The following SPDYA variants were observed in gnomAD, a reference collection of about 807,000 sequenced individuals.
SPDYA encodes speedy/RINGO cell cycle regulator family member A, also known as speedy protein A.
SPDYA carries 11 observed loss-of-function variants against 36.7 expected under a neutral mutation model. The observed-to-expected ratio is 0.30, with a 90% CI of 0.19 to 0.50. The LOEUF (loss-of-function observed/expected upper bound fraction) is 0.50, where lower values mean the gene tolerates loss of function less well. Among genes scored for constraint, SPDYA ranks in the 20% least tolerant of loss-of-function variants. SPDYA has a pLI of 0.98. For synonymous variants in SPDYA, 115 were observed against 118.7 expected (o/e 0.97, Z 0.20); for missense variants, 287 against 370.9 (o/e 0.77, Z 1.86).
At chr2:28,843,820 A>G (rs1202238494) in intron 7 of SPDYA, among the ~76,000 whole-genome samples, 3 of 152,192 alleles carry the variant, frequency 2.0e-5, no homozygotes, top group Admixed American at 6.5e-5. Context: ...ATCTGAATAT[A>G]TAACATATTT....
At chr2:28,819,873 T>A (rs369711635) in intron 4 of SPDYA, among the ~76,000 whole-genome samples, 12 of 19,008 alleles carry the variant, frequency 6.3e-4, no homozygotes, top group Non-Finnish European at 9.6e-4. Flanking sequence ...TATATATATA[T>A]ATATATATAT....
At chr2:28,832,205 G>A (rs1390787638) in intron 6 of SPDYA, among the ~76,000 whole-genome samples, 1 of 152,036 alleles carries the variant, frequency 6.6e-6, no homozygotes, top group Non-Finnish European at 1.5e-5. Flanking sequence ...AAACTTGTCA[G>A]GCCACCAAAT....
In SPDYA at chr2:28,811,818, T is replaced by C. The variant is rs374704529; in HGVS notation, c.-93+871T>C. Among the ~76,000 whole-genome samples, 3 of 151,480 alleles carry C rather than the reference T, an allele frequency of 2.0e-5. No individual in the cohort carries two copies. The East Asian group carries it at 5.8e-4, about 29-fold the overall frequency. ...AACTTAAAAAAAAAGTATCCTGGCATGGTGGCGGGCGCCTGTAATCCCAGC... is the reference window on the plus strand; with the variant it reads ...AACTTAAAAAAAAAGTATCCTGGCACGGTGGCGGGCGCCTGTAATCCCAGC... On this transcript the variant is annotated intron_variant, in intron 1 of 7. Coordinates refer to ENST00000334056, the MANE Select transcript of SPDYA (RefSeq NM_182756.4). This position sits in a 1 kb window ranked among gnomAD's most constrained non-coding sequence, Gnocchi z 4.2.
At chr2:28,826,351 G>T (rs922269498) in intron 5 of SPDYA, among the ~76,000 whole-genome samples, 22 of 151,952 alleles carry the variant, frequency 1.4e-4, no homozygotes, top group African/African-American at 5.1e-4. Flanking sequence ...TGGCCAAGCT[G>T]GCCTCAAACT....
chr2:28,836,216 C>T (rs572791961), intron 6 of SPDYA, among the ~76,000 whole-genome samples: 1 of 152,332 alleles, frequency 6.6e-6, no homozygotes, highest in Non-Finnish European at 1.5e-5. Flanking sequence ...TACTCAAAAT[C>T]ATAGAAGTTG....
intron 7 of SPDYA, among the ~76,000 whole-genome samples, chr2:28,846,722 TACACACACACACACACACACACAC>T (rs58731880): frequency 6.6e-4 from 84 of 126,558 alleles, no homozygotes; most frequent in Non-Finnish European, 1.1e-3. Flanking sequence ...AGAAGAAAAC[TACACACACACACACACACACACAC>T]ACACACACAC....
Position 28,819,265 on chromosome 2 carries a change from T to C in SPDYA, c.294+159T>C, listed in dbSNP as rs570100787. ...GGCTCACACCTGTAATCCCAAAACTTTGGGAGGCTGAGGTGGGTGGATCAC... is the reference window on the plus strand; with the variant it reads ...GGCTCACACCTGTAATCCCAAAACTCTGGGAGGCTGAGGTGGGTGGATCAC... On this transcript the variant is annotated intron_variant, in intron 4 of 7. Coordinates refer to ENST00000334056, the MANE Select transcript of SPDYA (RefSeq NM_182756.4). 4.6e-5 allele frequency among the ~76,000 whole-genome samples: 7 copies of C among 152,204 alleles called. No individual in the cohort carries two copies. In the South Asian group the frequency reaches 1.2e-3, roughly 27 times the overall value.
Position 28,826,565 on chromosome 2 carries a change from C to T in SPDYA, c.381-2583C>T, listed in dbSNP as rs140767487. On this transcript the variant is annotated intron_variant, in intron 5 of 7. Transcript: ENST00000334056. ...TTAAACTTGTTATGCCTCGCTCGGT[C>T]TTCCCCATCACTTATCTTTGAAATT... Among the ~76,000 whole-genome samples, 266 of 149,226 alleles carry T rather than the reference C, an allele frequency of 1.8e-3. 1 individual carries two copies. The highest frequency in any genetic ancestry group is 2.4e-3 in the Non-Finnish European group (160 of 67,348).
Position 28,822,327 on chromosome 2 carries a change from T to C in SPDYA, c.297T>C (p.Tyr99=). Residue 99 remains tyrosine (Y), a splice_region_variant and synonymous_variant, in exon 5 of 8, where the codon TAT becomes TAC. Coordinates refer to ENST00000334056, the MANE Select transcript of SPDYA (RefSeq NM_182756.4). The part of the protein sequence containing the change: ...MDCCCKIADK[Y]LLAMTFVYFK... ...ATTTTTAACTTTTTTCCTTATAGTA[T>C]CTTTTGGCTATGACCTTTGTTTATT... 1 of 1,505,722 alleles carries C rather than the reference T, an allele frequency of 6.6e-7. No individual in the cohort carries two copies. Among genetic ancestry groups the C allele is most frequent in the Non-Finnish European group, 9.0e-7 (1 of 1,113,046 alleles). 93.3% of individuals were successfully genotyped at this position (1,505,722 alleles called of 1,614,324 possible).
chr2:28,840,291 A>G lies in SPDYA; in HGVS notation c.672A>G (p.Thr224=), dbSNP rs1378187126. The G allele has an allele frequency of 1.2e-6, 2 of 1,612,830 alleles. No individual in the cohort carries two copies. Among genetic ancestry groups the G allele is most frequent in the African/African-American group, 1.3e-5 (1 of 74,862 alleles). Residue 224 remains threonine (T), a synonymous_variant, in exon 7 of 8, where the codon ACA becomes ACG. Transcript: ENST00000334056. ...AGCTGCCCCGGGGACCTAGTGCCAC[A>G]CCAGTAGATTGTTCACTCTGTGGTA... The part of the protein sequence containing the change: ...EVQLPRGPSA[T]PVDCSLCGKK...
chr2:28,818,963 G>T lies in SPDYA; in HGVS notation c.236-85G>T, dbSNP rs1407297109. 13 of 1,069,334 alleles carry T rather than the reference G, an allele frequency of 1.2e-5. No homozygotes were observed. In the East Asian group the frequency reaches 3.2e-4, roughly 26 times the overall value. The allele number at this position is 1,069,334 out of a possible 1,614,324, so 66.2% of individuals were successfully genotyped here. A position where few individuals can be genotyped will look rare whatever the true frequency, so the allele number is the denominator to read the frequency against. ...TTTTTGTTTTATTTCTAAGCACCAT[G>T]TATAATCTCTTGACATAGAAATTAA... On this transcript the variant is annotated intron_variant, in intron 3 of 7. Coordinates refer to ENST00000334056, the MANE Select transcript of SPDYA (RefSeq NM_182756.4).
chr2:28,814,345 A>G (rs1386418592), intron 1 of SPDYA, among the ~76,000 whole-genome samples: 1 of 152,228 alleles, frequency 6.6e-6, no homozygotes, highest in East Asian at 1.9e-4. Context: ...GTAACAAAAA[A>G]AAGAAAAAAA....
rs10187155 is a variant in SPDYA at position 28,827,452 on chromosome 2, T to A, written c.381-1696T>A. ...CTTTACTGGAAATAGTTATTCTTAC[T>A]TTCTGTGTCTGTTCCATTACTTTCA... is the stretch of plus-strand genomic sequence containing the variant. On this transcript the variant is annotated intron_variant, in intron 5 of 7. Transcript: ENST00000334056. Among the ~76,000 whole-genome samples, 6 of 152,112 alleles carry A rather than the reference T, an allele frequency of 3.9e-5. No individual in the cohort carries two copies. The East Asian group carries it at 5.8e-4, about 15-fold the overall frequency.
chr2:28,835,494 C>T (rs1668572902), intron 6 of SPDYA, among the ~76,000 whole-genome samples: 2 of 152,146 alleles, frequency 1.3e-5, no homozygotes, highest in African/African-American at 4.8e-5. Context: ...GCCTCAGCCT[C>T]CCAGAGTGCT....
rs371405702 is a variant in SPDYA, at chr2:28,843,550, C to CAA, written c.850+3097_850+3098dup. Among the ~76,000 whole-genome samples the CAA allele has an allele frequency of 4.5e-3, 495 of 110,696 alleles. 1 individual carries two copies. Among genetic ancestry groups the CAA allele is most frequent in the Admixed American group, 0.011 (113 of 9,830 alleles). The allele number at this position is 110,696 out of a possible 152,430, so 72.6% of individuals were successfully genotyped here. The stretch of plus-strand genomic sequence containing the variant: ...GTGCAAAAAGAGCAAAACTTCGTCT[C>CAA]AAAAAAAAAAAAAAAAATTGACTTT... On this transcript the variant is annotated intron_variant, in intron 7 of 7. Transcript: ENST00000334056.
intron 2 of SPDYA, 85 bp from the exon 3 acceptor site, chr2:28,815,912 A>G: frequency 1.2e-6 from 1 of 807,196 alleles, no homozygotes; most frequent in Non-Finnish European, 1.9e-6. Context: ...ATTTTATATG[A>G]CTGCATATGG....
intron 6 of SPDYA, among the ~76,000 whole-genome samples, chr2:28,830,947 A>G (rs1378971360): frequency 6.6e-6 from 1 of 152,192 alleles, no homozygotes; most frequent in East Asian, 1.9e-4. Flanking sequence ...AAATTTGATA[A>G]ATGTTGATAT....
chr2:28,825,044 C>G (rs1668284163), intron 5 of SPDYA, among the ~76,000 whole-genome samples: 1 of 152,098 alleles, frequency 6.6e-6, no homozygotes, highest in East Asian at 1.9e-4. Flanking sequence ...TTTATTATCC[C>G]CATTTTACAG....
chr2:28,816,354 G>A, intron 3 of SPDYA, 105 bp downstream of exon 3: 1 of 895,038 alleles, frequency 1.1e-6, no homozygotes, highest in Non-Finnish European at 1.6e-6. Flanking sequence ...CATTATTTTT[G>A]TATTAAATTT....
Sources: allele counts gnomAD v4.1 joint callset (sites outside exome capture counted in the v4.1 genomes callset), GRCh38; gene constraint gnomAD v4.1.1; non-coding constraint Gnocchi (gnomAD v3.1); transcripts MANE v1.5; gene names NCBI Gene and HGNC (gene_info 2026-07-23, HGNC 2026-07-21).